CNTN5: variants seen among roughly 807,000 people sequenced by gnomAD.
The protein encoded by CNTN5 is contactin-5.
CNTN5 carries 77 observed loss-of-function variants against 129.1 expected under a neutral mutation model. That is an observed-to-expected ratio of 0.60 (90% CI 0.50 to 0.72). The LOEUF (loss-of-function observed/expected upper bound fraction) is 0.72. Ranked by LOEUF, CNTN5 falls within the 30% of genes least tolerant of loss-of-function variation. CNTN5 has a pLI of 0.00. For missense variants in CNTN5, 1,478 were observed against 1,328.8 expected, an observed-to-expected ratio of 1.11 and a Z score of -1.75; for synonymous variants, 509 against 465.6, an observed-to-expected ratio of 1.09 and a Z score of -1.20.
chr11:100,208,628 T>G (rs1383147078), intron 15 of CNTN5, among the ~76,000 whole-genome samples: 1 of 152,198 alleles, frequency 6.6e-6, no homozygotes, highest in Non-Finnish European at 1.5e-5. Flanking sequence ...TGGGAAGAAC[T>G]GCAAAATTTT....
chr11:99,305,713 G>T (rs1864842501), intron 1 of CNTN5, among the ~76,000 whole-genome samples: 1 of 152,196 alleles, frequency 6.6e-6, no homozygotes, highest in Admixed American at 6.5e-5. Context: ...AGGTGTGGTG[G>T]CTCACACCTG....
At chr11:99,202,542 C>A (rs953216713) in intron 1 of CNTN5, among the ~76,000 whole-genome samples, 1 of 152,100 alleles carries the variant, frequency 6.6e-6, no homozygotes, top group African/African-American at 2.4e-5. Context: ...CTTTAATTAA[C>A]ATTCTTAGTA....
intron 4 of CNTN5, among the ~76,000 whole-genome samples, chr11:99,843,131 G>A (rs1947569073): frequency 6.6e-6 from 1 of 152,150 alleles, no homozygotes; most frequent in Admixed American, 6.6e-5. Flanking sequence ...GGCTGTGGCA[G>A]GATAATTGCT....
intron 1 of CNTN5, among the ~76,000 whole-genome samples, chr11:99,125,180 A>G (rs748028711): frequency 7.2e-5 from 11 of 152,112 alleles, no homozygotes; most frequent in Non-Finnish European, 1.0e-4. Context: ...ATTTAAGACC[A>G]GTATTCTTGA....
rs768027790 is a variant in CNTN5, at chr11:99,819,545, G to T, written c.57G>T (p.Glu19Asp). The change falls in exon 4 of 25, where the codon GAG becomes GAT. Residue 19 changes from glutamate to aspartate, a missense_variant and splice_region_variant. Transcript: ENST00000524871. ...LFLSVTMCLS[E>D]YSKSLPGLST... is the part of the protein sequence containing the mutation. ...TTTATTATATTTTTTCTCTTACAGA[G>T]TATTCAAAATCTCTTCCTGGTCTCT... 6.2e-7 allele frequency: 1 copy of T among 1,603,730 alleles called. No individual in the cohort carries two copies. The highest frequency in any genetic ancestry group is 8.5e-7 in the Non-Finnish European group (1 of 1,172,218).
intron 8 of CNTN5, among the ~76,000 whole-genome samples, chr11:99,984,080 C>A (rs1008834493): frequency 6.6e-6 from 1 of 151,982 alleles, no homozygotes; most frequent in African/African-American, 2.4e-5. Flanking sequence ...CCAGCCCGGC[C>A]AACATGATGA....
At chr11:99,318,622 G>A (rs1865442237) in intron 1 of CNTN5, among the ~76,000 whole-genome samples, 1 of 151,978 alleles carries the variant, frequency 6.6e-6, no homozygotes, top group East Asian at 1.9e-4. Flanking sequence ...AGGGAAGTCT[G>A]CATATTTTTT....
intron 1 of CNTN5, among the ~76,000 whole-genome samples, chr11:99,207,456 C>A (rs771465379): frequency 5.3e-5 from 8 of 152,156 alleles, no homozygotes; most frequent in Non-Finnish European, 1.0e-4. Flanking sequence ...GGATTGCCTG[C>A]AATGATTGAA....
chr11:99,101,518 T>G (rs1220890406), intron 1 of CNTN5, among the ~76,000 whole-genome samples: 1 of 152,158 alleles, frequency 6.6e-6, no homozygotes, highest in Non-Finnish European at 1.5e-5. Flanking sequence ...AAACAATGGG[T>G]ACAGACATTG....
chr11:100,177,540 CCTT>C (rs1279853134), intron 13 of CNTN5, among the ~76,000 whole-genome samples: 3 of 152,066 alleles, frequency 2.0e-5, no homozygotes, highest in African/African-American at 7.2e-5. Flanking sequence ...ATACTTCACT[CCTT>C]CTCCACTTCC....
chr11:99,629,182 ATAATT>A (rs1280266172), intron 3 of CNTN5, among the ~76,000 whole-genome samples: 8 of 152,222 alleles, frequency 5.3e-5, no homozygotes, highest in East Asian at 1.9e-4. Context: ...AATGGTGATG[ATAATT>A]TAATTTATTT....
chr11:100,194,060 CTTTAA>C (rs1948572140), intron 15 of CNTN5, among the ~76,000 whole-genome samples: 1 of 151,898 alleles, frequency 6.6e-6, no homozygotes, highest in African/African-American at 2.4e-5. Context: ...TTTGGAGTTT[CTTTAA>C]TTTTTTACAA....
rs557212993 is a variant in CNTN5 at position 99,136,572 on chromosome 11, C to T, written c.-210+115302C>T. Among the ~76,000 whole-genome samples, 5 of 152,282 alleles carry T rather than the reference C, an allele frequency of 3.3e-5. No individual in the cohort carries two copies. The East Asian group carries it at 7.7e-4, about 24-fold the overall frequency. On this transcript the variant is annotated intron_variant, in intron 1 of 24. Transcript: ENST00000524871. ...CACTCATTGCTCATGCACAAAGCCT[C>T]ACCTCACATGAACCAACATCCATTC... is the stretch of plus-strand genomic sequence containing the variant.
At chr11:99,986,705 A>G (rs928253742) in intron 8 of CNTN5, among the ~76,000 whole-genome samples, 1 of 152,190 alleles carries the variant, frequency 6.6e-6, no homozygotes, top group Non-Finnish European at 1.5e-5. Flanking sequence ...GACTTCGTCC[A>G]AGAGTTGTTT....
chr11:100,333,938 C>T (rs1389734914), intron 21 of CNTN5, among the ~76,000 whole-genome samples: 1 of 152,040 alleles, frequency 6.6e-6, no homozygotes, highest in East Asian at 1.9e-4. Context: ...ATAGATGGGA[C>T]TTAATTAAAC....
intron 13 of CNTN5, among the ~76,000 whole-genome samples, chr11:100,083,094 T>C (rs1379706376): frequency 6.6e-6 from 1 of 152,016 alleles, no homozygotes; most frequent in Non-Finnish European, 1.5e-5. Context: ...GGCAGGCGGA[T>C]CACCTGAGGT....
chr11:99,789,489 G>A (rs1945661261), intron 3 of CNTN5, among the ~76,000 whole-genome samples: 2 of 151,874 alleles, frequency 1.3e-5, no homozygotes, highest in Admixed American at 1.3e-4. Context: ...AAACTATCAT[G>A]GAATAAACTG....
At chr11:99,144,292 A>G (rs1859672171) in intron 1 of CNTN5, among the ~76,000 whole-genome samples, 2 of 152,216 alleles carry the variant, frequency 1.3e-5, no homozygotes, top group Admixed American at 6.5e-5. Flanking sequence ...GGAATCATTC[A>G]AGGAAATAAC....
At chr11:99,972,841 A>G (rs531833243) in intron 8 of CNTN5, among the ~76,000 whole-genome samples, 1 of 152,172 alleles carries the variant, frequency 6.6e-6, no homozygotes, top group Non-Finnish European at 1.5e-5. Context: ...TCCTCACCCC[A>G]TATATCTTAG....
Sources: allele counts gnomAD v4.1 joint callset (sites outside exome capture counted in the v4.1 genomes callset), GRCh38; gene constraint gnomAD v4.1.1; transcripts MANE v1.5; gene names NCBI Gene and HGNC (gene_info 2026-07-23, HGNC 2026-07-21).